Variants in ZNF783 observed in about 807,000 individuals in gnomAD.
The protein encoded by ZNF783 is zinc finger protein 783.
ZNF783 carries 25 observed loss-of-function variants against 31.3 expected under a neutral mutation model. That is an observed-to-expected ratio of 0.80 (90% CI 0.58 to 1.11). ZNF783 has a LOEUF of 1.11. Among genes scored for constraint, ZNF783 ranks in the 50% most tolerant of loss-of-function variants. ZNF783 has a pLI of 0.00. For missense variants in ZNF783, 797 were observed against 760.0 expected (o/e 1.05, Z -0.57); for synonymous variants, 369 against 319.1 (o/e 1.16, Z -1.66).
intron 1 of ZNF783, among the ~76,000 whole-genome samples, chr7:149,263,231 T>A (rs1012029607): frequency 1.3e-5 from 2 of 151,550 alleles, no homozygotes; most frequent in Non-Finnish European, 2.9e-5. Context: ...CCGGCCATTT[T>A]AAAATTTTTT....
chr7:149,265,575 G>T (rs1048420352), intron 1 of ZNF783, among the ~76,000 whole-genome samples: 3 of 152,080 alleles, frequency 2.0e-5, no homozygotes, highest in Non-Finnish European at 4.4e-5. Flanking sequence ...TATTTATGAG[G>T]GCTCTGCCTT....
chr7:149,277,549 C>G lies in ZNF783; in HGVS notation c.674-850C>G, dbSNP rs530451815. Reference sequence around the variant, plus strand: ...GGTCAGGAGTTCAAGACCAGCCTGGCCAAGATGGTGGAACCCCGTCTCTAC... The same window carrying G: ...GGTCAGGAGTTCAAGACCAGCCTGGGCAAGATGGTGGAACCCCGTCTCTAC... On this transcript the variant is annotated intron_variant, in intron 4 of 5. Transcript: ENST00000434415. 1.2e-3 allele frequency among the ~76,000 whole-genome samples: 180 copies of G among 152,048 alleles called. 1 individual carries two copies. The highest frequency in any genetic ancestry group is 4.3e-3 in the African/African-American group (178 of 41,456).
Position 149,267,093 on chromosome 7 carries a change from A to G in ZNF783, c.548-4A>G. 1.2e-6 allele frequency: 2 copies of G among 1,601,412 alleles called. No individual in the cohort carries two copies. The highest frequency in any genetic ancestry group is 2.2e-5 in the South Asian group (2 of 91,076). ...CTCTTCCTCATTTCTTGTTCTGTGC[A>G]CAGATTATGCAATCTCCAAACCAGA... is the stretch of plus-strand genomic sequence containing the variant. On this transcript the variant is annotated splice_polypyrimidine_tract_variant and splice_region_variant and intron_variant, in intron 3 of 5. Coordinates refer to ENST00000434415, the MANE Select transcript of ZNF783 (RefSeq NM_001195220.2).
rs1796941033 is a variant in ZNF783, at chr7:149,262,240, G to C, written c.-94G>C. 3 of 1,184,050 alleles carry C rather than the reference G, an allele frequency of 2.5e-6. No homozygotes were observed. Among genetic ancestry groups the C allele is most frequent in the Non-Finnish European group, 3.3e-6 (3 of 922,688 alleles). 73.3% of individuals were successfully genotyped at this position (1,184,050 alleles called of 1,614,324 possible). On this transcript the variant is annotated 5_prime_UTR_variant, in exon 1 of 6. Coordinates refer to ENST00000434415, the MANE Select transcript of ZNF783 (RefSeq NM_001195220.2). The stretch of plus-strand genomic sequence containing the variant: ...CCCGGCAGTAGCTCTCAGGTTAGGC[G>C]GGTCCCGCTCCGCTTCCGCCGTCGC...
intron 4 of ZNF783, among the ~76,000 whole-genome samples, chr7:149,267,463 G>C (rs747767039): frequency 1.5e-4 from 23 of 152,246 alleles, no homozygotes; most frequent in Non-Finnish European, 2.9e-4. Flanking sequence ...TGTGATGACT[G>C]AGTGATAAGT....
At chr7:149,271,175 T>G (rs1797202510) in intron 4 of ZNF783, among the ~76,000 whole-genome samples, 1 of 152,246 alleles carries the variant, frequency 6.6e-6, no homozygotes, top group Non-Finnish European at 1.5e-5. Flanking sequence ...CCTGACCTCA[T>G]GATCTGCCTG....
Position 149,282,367 on chromosome 7 carries a change from C to A in ZNF783, c.*24C>A. ...GACCTGGCAGGAGCCCACAGAGGAC[C>A]CCTGGCGGGGTCTCTCCCCTGTGCC... On this transcript the variant is annotated 3_prime_UTR_variant, in exon 6 of 6. Transcript: ENST00000434415. 1.4e-6 allele frequency: 2 copies of A among 1,453,788 alleles called. No homozygotes were observed. Among genetic ancestry groups the A allele is most frequent in the Non-Finnish European group, 1.8e-6 (2 of 1,107,356 alleles). The allele number at this position is 1,453,788 out of a possible 1,614,324, so 90.1% of individuals were successfully genotyped here.
chr7:149,262,976 T>C (rs1178494777), intron 1 of ZNF783, among the ~76,000 whole-genome samples: 2 of 152,146 alleles, frequency 1.3e-5, no homozygotes, highest in Non-Finnish European at 2.9e-5. Flanking sequence ...GCATGCTGGA[T>C]GGAGTGCAGT....
At chr7:149,265,415 TCA>T (rs538472561) in intron 1 of ZNF783, among the ~76,000 whole-genome samples, 15 of 152,328 alleles carry the variant, frequency 9.8e-5, no homozygotes, top group African/African-American at 3.6e-4. Context: ...ATCACCATAA[TCA>T]CTGTCATTGT....
At position 149,262,561 on chromosome 7, in the gene ZNF783, C is replaced by T. The variant is rs370268013; in HGVS notation, c.24+204C>T. Among the ~76,000 whole-genome samples, 835 of 152,324 alleles carry T rather than the reference C, an allele frequency of 5.5e-3. 5 individuals carry two copies. Among genetic ancestry groups the T allele is most frequent in the South Asian group, 0.023 (112 of 4,834 alleles). ...ATGCCAGGCCCGGCGGGCGGGGCCC[C>T]GACGTCAGCGGCTGACGATCCGGCC... On this transcript the variant is annotated intron_variant, in intron 1 of 5. Transcript: ENST00000434415.
rs1797491846 is a variant in ZNF783 at position 149,282,145 on chromosome 7, CT to C, written c.1445del (p.Phe482SerfsTer83). On this transcript the variant is annotated frameshift_variant, in exon 6 of 6. Transcript: ENST00000434415. LOFTEE classifies it low-confidence loss of function (END_TRUNC). ...AGGCCTTCCGCCGGCCCTCGGACCT[CT>C]TCCGGCACCAGCGCATCCACACCGG... ...GKAFRRPSDL[F>X]RHQRIHTGER... 6.2e-7 allele frequency: 1 copy of C among 1,600,294 alleles called. No individual in the cohort carries two copies. The highest frequency in any genetic ancestry group is 1.7e-5 in the Admixed American group (1 of 59,962).
chr7:149,271,935 G>T (rs975748772), intron 4 of ZNF783, among the ~76,000 whole-genome samples: 1 of 152,184 alleles, frequency 6.6e-6, no homozygotes, highest in African/African-American at 2.4e-5. Context: ...GGTATTTCCA[G>T]TATTTTGCTG....
intron 4 of ZNF783, among the ~76,000 whole-genome samples, chr7:149,272,504 TAGTA>T (rs1797229612): frequency 6.6e-6 from 1 of 152,204 alleles, no homozygotes; most frequent in East Asian, 1.9e-4. Context: ...TTCAGTGTAA[TAGTA>T]AGAAGTCTGT....
At chr7:149,270,861 C>G (rs1176439097) in intron 4 of ZNF783, among the ~76,000 whole-genome samples, 1 of 152,190 alleles carries the variant, frequency 6.6e-6, no homozygotes, top group Non-Finnish European at 1.5e-5. Flanking sequence ...GGCACTACTT[C>G]TAGGCCTGTT....
intron 1 of ZNF783, among the ~76,000 whole-genome samples, chr7:149,265,043 G>T (rs1027209022): frequency 6.9e-6 from 1 of 145,372 alleles, no homozygotes; most frequent in Admixed American, 7.3e-5. Flanking sequence ...GGGCAGGACC[G>T]CAGTGGCCCA....
At chr7:149,271,147 C>T (rs1274223283) in intron 4 of ZNF783, among the ~76,000 whole-genome samples, 1 of 152,174 alleles carries the variant, frequency 6.6e-6, no homozygotes, top group African/African-American at 2.4e-5. Context: ...ACCGTGTTAG[C>T]CAAGATGGTC....
chr7:149,265,291 G>A (rs116612414), intron 1 of ZNF783, among the ~76,000 whole-genome samples: 2,516 of 152,232 alleles, frequency 0.017, 73 homozygotes, highest in African/African-American at 0.057. Context: ...ACCAGGGTAA[G>A]CTGAGGCACT....
intron 4 of ZNF783, among the ~76,000 whole-genome samples, chr7:149,268,471 T>TTGAG (rs2129524844): frequency 6.6e-6 from 1 of 152,332 alleles, no homozygotes; most frequent in South Asian, 2.1e-4. Flanking sequence ...AAGTGTACAA[T>TTGAG]TGAGTACTTT....
At position 149,282,120 on chromosome 7, in the gene ZNF783, A is replaced by AGGCCTTCCGCCGGCCC. The variant is rs1463980486; in HGVS notation, c.1419_1434dup (p.Ser479GlyfsTer18). On this transcript the variant is annotated frameshift_variant, in exon 6 of 6. Coordinates refer to ENST00000434415, the MANE Select transcript of ZNF783 (RefSeq NM_001195220.2). LOFTEE classifies it low-confidence loss of function (END_TRUNC). ...TGGCCCGCCTGCCCCTACTGCGGCA[A>AGGCCTTCCGCCGGCCC]GGCCTTCCGCCGGCCCTCGGACCTC... 1 of 1,598,856 alleles carries AGGCCTTCCGCCGGCCC rather than the reference A, an allele frequency of 6.3e-7. No homozygotes were observed. The highest frequency in any genetic ancestry group is 1.1e-5 in the South Asian group (1 of 90,976).
Sources: gnomAD v4.1 joint callset for allele counts (sites outside exome capture counted in the v4.1 genomes callset) on GRCh38, gnomAD v4.1.1 for gene constraint, MANE v1.5 for transcripts, NCBI Gene and HGNC (gene_info 2026-07-23, HGNC 2026-07-21) for gene names.